The following ZMAT4 variants were observed in gnomAD, a reference collection of about 807,000 sequenced individuals.
ZMAT4 encodes zinc finger matrin-type protein 4.
A neutral mutation model predicts 28.7 loss-of-function variants in ZMAT4; 17 were observed. The observed-to-expected ratio is 0.59, with a 90% CI of 0.41 to 0.89. The LOEUF is 0.89. Among genes scored for constraint, ZMAT4 ranks in the 40% least tolerant of loss-of-function variants. ZMAT4 has a pLI of 0.00. For synonymous variants in ZMAT4, 117 were observed against 109.2 expected, an observed-to-expected ratio of 1.07 and a Z score of -0.44; for missense variants, 240 against 283.8, an observed-to-expected ratio of 0.85 and a Z score of 1.11.
intron 2 of ZMAT4, among the ~76,000 whole-genome samples, chr8:40,779,078 T>C (rs1184929294): frequency 6.6e-6 from 1 of 152,112 alleles, no homozygotes; most frequent in Non-Finnish European, 1.5e-5. Context: ...ATAATTCATG[T>C]TGTGGGAGGG....
intron 5 of ZMAT4, among the ~76,000 whole-genome samples, chr8:40,622,470 A>T (rs1806236217): frequency 6.6e-6 from 1 of 152,152 alleles, no homozygotes. Flanking sequence ...GCCCTAAACC[A>T]TGTTACCAAC....
chr8:40,555,648 A>G (rs1200532697), intron 6 of ZMAT4, among the ~76,000 whole-genome samples: 1 of 152,156 alleles, frequency 6.6e-6, no homozygotes, highest in Non-Finnish European at 1.5e-5. Context: ...ACATAACTAC[A>G]ATGTCAGAGT....
At chr8:40,885,973 G>T (rs1485933774) in intron 1 of ZMAT4, among the ~76,000 whole-genome samples, 1 of 152,194 alleles carries the variant, frequency 6.6e-6, no homozygotes, top group Non-Finnish European at 1.5e-5. Context: ...GCTCTGAGAG[G>T]CTGGGAACTG....
chr8:40,536,215 G>A (rs116877715), intron 6 of ZMAT4, among the ~76,000 whole-genome samples: 1,606 of 152,202 alleles, frequency 0.011, 23 homozygotes, highest in Middle Eastern at 0.02. Flanking sequence ...AAAGTGCAGC[G>A]TTTTCCCTGG....
In ZMAT4 at chr8:40,532,017, T is replaced by A. The variant is rs567456193; in HGVS notation, c.*206A>T. On this transcript the variant is annotated 3_prime_UTR_variant, in exon 7 of 7. Transcript: ENST00000297737. Reference sequence around the variant, plus strand: ...AATTTAAAAATCCATCCAAATATCATAACTTACCCCAAAATTAAAAAAAGG... The same window carrying A: ...AATTTAAAAATCCATCCAAATATCAAAACTTACCCCAAAATTAAAAAAAGG... The A allele has an allele frequency of 4.4e-5, 18 of 405,806 alleles. No homozygotes were observed. The highest frequency in any genetic ancestry group is 4.0e-4 in the East Asian group (11 of 27,480). The allele number at this position is 405,806 out of a possible 1,614,324, so 25.1% of individuals were successfully genotyped here.
At chr8:40,700,588 C>T (rs1466972920) in intron 3 of ZMAT4, among the ~76,000 whole-genome samples, 1 of 151,852 alleles carries the variant, frequency 6.6e-6, no homozygotes, top group Non-Finnish European at 1.5e-5. Flanking sequence ...CTGGATAATA[C>T]TTTTTTATTG....
intron 1 of ZMAT4, among the ~76,000 whole-genome samples, chr8:40,877,143 A>G (rs2137277): frequency 0.21 from 31,691 of 152,144 alleles, 3,382 homozygotes; most frequent in Admixed American, 0.24. Flanking sequence ...GGAAGATGCG[A>G]TGAAGACCCA....
intron 6 of ZMAT4, among the ~76,000 whole-genome samples, chr8:40,558,989 C>T (rs1413963486): frequency 2.6e-5 from 4 of 152,264 alleles, no homozygotes; most frequent in Admixed American, 6.5e-5. Context: ...GGTTAAGCCT[C>T]GCACCCCTGC....
At chr8:40,561,192 G>A (rs1261374192) in intron 6 of ZMAT4, among the ~76,000 whole-genome samples, 1 of 151,992 alleles carries the variant, frequency 6.6e-6, no homozygotes, top group African/African-American at 2.4e-5. Context: ...TGACAAAAAT[G>A]GAAACATCTT....
chr8:40,678,651 T>C (rs994947588), intron 4 of ZMAT4, among the ~76,000 whole-genome samples: 1 of 152,226 alleles, frequency 6.6e-6, no homozygotes. Flanking sequence ...CTTAGCTGTG[T>C]GAATGCGCAT....
intron 5 of ZMAT4, among the ~76,000 whole-genome samples, chr8:40,653,443 C>A (rs1362692558): frequency 6.6e-6 from 1 of 151,536 alleles, no homozygotes; most frequent in Non-Finnish European, 1.5e-5. Flanking sequence ...TATAGAAAAA[C>A]AATAATGGAA....
At chr8:40,709,560 T>C (rs1216525407) in intron 3 of ZMAT4, among the ~76,000 whole-genome samples, 1 of 152,228 alleles carries the variant, frequency 6.6e-6, no homozygotes, top group Non-Finnish European at 1.5e-5. Flanking sequence ...ATTTTAGACT[T>C]GCAAAATAAT....
intron 5 of ZMAT4, among the ~76,000 whole-genome samples, chr8:40,646,591 A>G (rs1200701817): frequency 6.6e-6 from 1 of 152,132 alleles, no homozygotes; most frequent in Non-Finnish European, 1.5e-5. Context: ...TATTGTTGTC[A>G]ATTTAATTTA....
intron 1 of ZMAT4, among the ~76,000 whole-genome samples, chr8:40,887,136 A>C (rs1818483422): frequency 2.2e-5 from 3 of 137,178 alleles, no homozygotes; most frequent in Admixed American, 8.3e-5. Context: ...ATGCCACTGC[A>C]CTCCAGCCTG....
At position 40,825,659 on chromosome 8, in the gene ZMAT4, A is replaced by G. The variant is rs36011910; in HGVS notation, c.18T>C (p.Ile6=). Residue 6 remains isoleucine (I), a synonymous_variant, in exon 2 of 7, where the codon ATT becomes ATC. Transcript: ENST00000297737. MKSSD[I]DQDLFTDSYC... ...AACTGTCTGTGAATAAATCCTGATCAATATCGGAGGACTTCATCAGGCTAC... is the reference window on the plus strand; with the variant it reads ...AACTGTCTGTGAATAAATCCTGATCGATATCGGAGGACTTCATCAGGCTAC... The G allele has an allele frequency of 2.9e-4, 451 of 1,554,556 alleles. 5 individuals are homozygous for G. In the African/African-American group the frequency reaches 5.2e-3, roughly 18 times the overall value.
chr8:40,551,004 A>T (rs1803353385), intron 6 of ZMAT4, among the ~76,000 whole-genome samples: 1 of 152,178 alleles, frequency 6.6e-6, no homozygotes, highest in African/African-American at 2.4e-5. Context: ...TCATGTCCCT[A>T]CTATATCCCA....
At chr8:40,679,417 G>T (rs955314495) in intron 4 of ZMAT4, among the ~76,000 whole-genome samples, 1 of 152,120 alleles carries the variant, frequency 6.6e-6, no homozygotes, top group African/African-American at 2.4e-5. Flanking sequence ...AAAGGAAAGA[G>T]GTTTAATTAA....
chr8:40,713,455 C>A (rs370800780), intron 3 of ZMAT4, among the ~76,000 whole-genome samples: 2,420 of 149,786 alleles, frequency 0.016, 57 homozygotes, highest in African/African-American at 0.055. Context: ...AAAAAAAAAA[C>A]AACATGAAGG....
At chr8:40,583,454 G>T (rs75307794) in intron 5 of ZMAT4, among the ~76,000 whole-genome samples, 3 of 152,112 alleles carry the variant, frequency 2.0e-5, no homozygotes, top group Non-Finnish European at 4.4e-5. Context: ...GCAAAAAGAT[G>T]CTGAAAGTGT....
Sources: allele counts gnomAD v4.1 joint callset (sites outside exome capture counted in the v4.1 genomes callset), GRCh38; gene constraint gnomAD v4.1.1; transcripts MANE v1.5; gene names NCBI Gene and HGNC (gene_info 2026-07-23, HGNC 2026-07-21).